SLC25A21: variants seen among roughly 807,000 people sequenced by gnomAD.
SLC25A21 encodes mitochondrial 2-oxodicarboxylate carrier.
Under a neutral mutation model 43.8 loss-of-function variants are expected in SLC25A21, and 47 were observed. The observed-to-expected ratio is 1.07, with a 90% CI of 0.85 to 1.37. The LOEUF is 1.37. Ranked by LOEUF, SLC25A21 falls within the 40% of genes most tolerant of loss-of-function variation. The probability of loss-of-function intolerance (pLI) is 0.00; values close to 1 mark genes in which losing one functional copy is unlikely to be tolerated. For missense variants in SLC25A21, 352 were observed against 350.2 expected (o/e 1.00, Z -0.04); for synonymous variants, 131 against 121.3 (o/e 1.08, Z -0.52).
At position 37,128,084 on chromosome 14, in the gene SLC25A21, T is replaced by C. The variant is rs1186249362; in HGVS notation, c.70+44197A>G. On this transcript the variant is annotated intron_variant, in intron 1 of 9. Coordinates refer to ENST00000331299, the MANE Select transcript of SLC25A21 (RefSeq NM_030631.4). ...GTTTATTGTGTGGTAAATACAACCA[T>C]CCCTATAAAAACAGAAATGCCTGTT... Among the ~76,000 whole-genome samples the C allele has an allele frequency of 2.6e-5, 4 of 152,194 alleles. No homozygotes were observed. In the East Asian group the frequency reaches 5.8e-4, roughly 22 times the overall value.
At chr14:37,079,195 C>T (rs547695159) in intron 1 of SLC25A21, among the ~76,000 whole-genome samples, 73 of 152,326 alleles carry the variant, frequency 4.8e-4, no homozygotes, top group African/African-American at 1.7e-3. Flanking sequence ...GTCACCCTCA[C>T]ATTTTTGTCG....
intron 1 of SLC25A21, among the ~76,000 whole-genome samples, chr14:36,970,405 A>G (rs570261866): frequency 2.6e-5 from 4 of 152,210 alleles, no homozygotes; most frequent in Non-Finnish European, 5.9e-5. Context: ...AGTCAGGGTC[A>G]TGTCATGCAT....
At chr14:36,931,090 A>G (rs1184850976) in intron 1 of SLC25A21, among the ~76,000 whole-genome samples, 1 of 152,072 alleles carries the variant, frequency 6.6e-6, no homozygotes, top group Non-Finnish European at 1.5e-5. Flanking sequence ...AGTGCACTCA[A>G]GTTAATTTTC....
chr14:36,784,821 A>G (rs2138386158), intron 3 of SLC25A21, among the ~76,000 whole-genome samples: 1 of 152,362 alleles, frequency 6.6e-6, no homozygotes, highest in Middle Eastern at 3.4e-3. Context: ...GTCAGCTACC[A>G]GGATTCCCAT....
At chr14:36,776,099 T>A (rs1183650292) in intron 3 of SLC25A21, among the ~76,000 whole-genome samples, 1 of 152,038 alleles carries the variant, frequency 6.6e-6, no homozygotes, top group African/African-American at 2.4e-5. Flanking sequence ...CTATTGGAAC[T>A]TCTCTTGGAA....
At chr14:37,011,423 G>GT (rs5807926) in intron 1 of SLC25A21, among the ~76,000 whole-genome samples, 3,366 of 152,196 alleles carry the variant, frequency 0.022, 119 homozygotes, top group African/African-American at 0.077. Context: ...AAAGATTTAT[G>GT]TTTTTTGTGA....
At chr14:37,106,175 C>A (rs1325497842) in intron 1 of SLC25A21, among the ~76,000 whole-genome samples, 1 of 151,614 alleles carries the variant, frequency 6.6e-6, no homozygotes, top group Non-Finnish European at 1.5e-5. Flanking sequence ...TGAAAAAAAA[C>A]AGAATAACAG....
chr14:36,765,242 T>G (rs1886369800), intron 3 of SLC25A21, among the ~76,000 whole-genome samples: 1 of 152,204 alleles, frequency 6.6e-6, no homozygotes, highest in South Asian at 2.1e-4. Context: ...AGGATGAGAC[T>G]TCATGTGGAG....
chr14:37,062,135 A>C (rs1490652253), intron 1 of SLC25A21, among the ~76,000 whole-genome samples: 1 of 152,262 alleles, frequency 6.6e-6, no homozygotes, highest in Non-Finnish European at 1.5e-5. Context: ...GAGAAGTAAT[A>C]AAATACTTTG....
intron 1 of SLC25A21, among the ~76,000 whole-genome samples, chr14:36,961,059 C>A (rs1315354357): frequency 6.6e-6 from 1 of 152,068 alleles, no homozygotes; most frequent in African/African-American, 2.4e-5. Flanking sequence ...CTCAAACTTT[C>A]ATCTACAGAA....
At chr14:36,908,322 C>T (rs1891589910) in intron 1 of SLC25A21, among the ~76,000 whole-genome samples, 1 of 152,156 alleles carries the variant, frequency 6.6e-6, no homozygotes, top group Non-Finnish European at 1.5e-5. Context: ...GGCCTCTGTA[C>T]TTTCTGCTCA....
At chr14:36,862,180 C>A (rs956755009) in intron 2 of SLC25A21, among the ~76,000 whole-genome samples, 1 of 152,124 alleles carries the variant, frequency 6.6e-6, no homozygotes, top group African/African-American at 2.4e-5. Context: ...ACTAGTTCAG[C>A]CATTGTGGAA....
At chr14:37,054,515 A>G (rs1961778582) in intron 1 of SLC25A21, among the ~76,000 whole-genome samples, 1 of 152,216 alleles carries the variant, frequency 6.6e-6, no homozygotes, top group African/African-American at 2.4e-5. Context: ...CAGAAACCTA[A>G]AACATGTGGC....
chr14:36,846,926 C>G (rs1372972290), intron 2 of SLC25A21, among the ~76,000 whole-genome samples: 1 of 152,164 alleles, frequency 6.6e-6, no homozygotes, highest in Non-Finnish European at 1.5e-5. Context: ...CAAAAAACTT[C>G]CAAAACTATG....
intron 3 of SLC25A21, among the ~76,000 whole-genome samples, chr14:36,760,428 T>C (rs780561842): frequency 2.0e-5 from 3 of 151,764 alleles, no homozygotes; most frequent in Non-Finnish European, 4.4e-5. Flanking sequence ...AGTAGAGAGA[T>C]AGTAATTTTT....
intron 1 of SLC25A21, among the ~76,000 whole-genome samples, chr14:37,143,845 G>C (rs974737459): frequency 1.3e-5 from 2 of 152,098 alleles, no homozygotes; most frequent in East Asian, 3.9e-4. Context: ...CTGAGGAAAA[G>C]GCACAGTTTG....
intron 1 of SLC25A21, among the ~76,000 whole-genome samples, chr14:37,024,429 A>G (rs563913109): frequency 6.6e-6 from 1 of 152,032 alleles, no homozygotes; most frequent in South Asian, 2.1e-4. Context: ...AGCACACCCC[A>G]CTAATAGAGT....
intron 1 of SLC25A21, among the ~76,000 whole-genome samples, chr14:37,166,201 C>A (rs1021011987): frequency 6.6e-6 from 1 of 152,184 alleles, no homozygotes; most frequent in African/African-American, 2.4e-5. Flanking sequence ...TTTCAGTCCA[C>A]AATGTGTCCA....
In SLC25A21 at chr14:36,699,008, T is replaced by A. The variant is rs1056115445; in HGVS notation, c.603+12310A>T. Reference sequence around the variant, plus strand: ...TTTGGAGGAGTAGAAGCACTCTGATTTTTAGAATTTTCTGCTTTTCTGATC... The same window carrying A: ...TTTGGAGGAGTAGAAGCACTCTGATATTTAGAATTTTCTGCTTTTCTGATC... On this transcript the variant is annotated intron_variant, in intron 7 of 9. Transcript: ENST00000331299. Among the ~76,000 whole-genome samples the A allele has an allele frequency of 3.3e-5, 5 of 152,270 alleles. No homozygotes were observed. In the East Asian group the frequency reaches 9.7e-4, roughly 29 times the overall value.
Sources: allele counts gnomAD v4.1 joint callset (sites outside exome capture counted in the v4.1 genomes callset), GRCh38; gene constraint gnomAD v4.1.1; transcripts MANE v1.5; gene names NCBI Gene and HGNC (gene_info 2026-07-23, HGNC 2026-07-21).